DLG2: variants seen among roughly 807,000 people sequenced by gnomAD.
The protein encoded by DLG2 is disks large homolog 2.
DLG2 carries 45 observed loss-of-function variants against 132.5 expected under a neutral mutation model. That is an observed-to-expected ratio of 0.34 (90% CI 0.27 to 0.44). The LOEUF is 0.44. DLG2 is among the 20% of genes least tolerant of loss of function. The pLI is 1.00. For missense variants in DLG2, 1,045 were observed against 1,196.9 expected (o/e 0.87, Z 1.87); for synonymous variants, 424 against 419.6 (o/e 1.01, Z -0.13).
intron 6 of DLG2, among the ~76,000 whole-genome samples, chr11:84,583,081 G>A (rs1657191580): frequency 6.6e-6 from 1 of 152,112 alleles, no homozygotes; most frequent in African/African-American, 2.4e-5. Context: ...TGATGATTTT[G>A]TCATTTTTAT....
chr11:85,396,999 A>C (rs778494069), intron 3 of DLG2, among the ~76,000 whole-genome samples: 14 of 152,174 alleles, frequency 9.2e-5, no homozygotes, highest in Non-Finnish European at 1.9e-4. Flanking sequence ...GGTTGAAATA[A>C]AGGAAAAAAT....
chr11:84,887,837 G>C (rs1434480206), intron 6 of DLG2, among the ~76,000 whole-genome samples: 1 of 152,096 alleles, frequency 6.6e-6, no homozygotes, highest in Non-Finnish European at 1.5e-5. Flanking sequence ...TCCCTGAGCT[G>C]CATAATGGGA....
At chr11:84,411,047 T>C (rs552273480) in intron 7 of DLG2, among the ~76,000 whole-genome samples, 18 of 152,210 alleles carry the variant, frequency 1.2e-4, no homozygotes, top group Admixed American at 2.6e-4. Flanking sequence ...CCCTGCTCCA[T>C]ACATCTAAAC....
intron 5 of DLG2, among the ~76,000 whole-genome samples, chr11:85,114,900 T>C (rs1312296597): frequency 6.6e-6 from 1 of 151,928 alleles, no homozygotes; most frequent in East Asian, 1.9e-4. Flanking sequence ...TGCTTATATA[T>C]ACATTGAGCC....
At chr11:84,225,256 T>C (rs1010489199) in intron 8 of DLG2, among the ~76,000 whole-genome samples, 21 of 152,234 alleles carry the variant, frequency 1.4e-4, no homozygotes, top group Non-Finnish European at 1.3e-4. Flanking sequence ...TTTGAGAGCT[T>C]CTAATATGTT....
chr11:84,073,836 A>C (rs1411188936), intron 10 of DLG2, among the ~76,000 whole-genome samples: 1 of 152,218 alleles, frequency 6.6e-6, no homozygotes, highest in Non-Finnish European at 1.5e-5. Flanking sequence ...CCATGACTAT[A>C]ACAGGTGTGT....
intron 3 of DLG2, among the ~76,000 whole-genome samples, chr11:85,320,946 T>C (rs926667095): frequency 6.6e-6 from 1 of 151,630 alleles, no homozygotes; most frequent in South Asian, 2.1e-4. Flanking sequence ...AGTTTTCGAA[T>C]AGAGAAATTT....
At chr11:83,720,738 C>CTTTTTTTTT (rs10690118) in intron 18 of DLG2, 1 of 124,092 alleles carries the variant, frequency 8.1e-6, no homozygotes. Flanking sequence ...TCAGCCCTCC[C>CTTTTTTTTT]TTTTTTTTTT....
chr11:85,500,313 T>G (rs1479691599), intron 3 of DLG2, among the ~76,000 whole-genome samples: 1 of 137,190 alleles, frequency 7.3e-6, no homozygotes, highest in Non-Finnish European at 1.5e-5. Flanking sequence ...ACACCGCATA[T>G]TCTCACTCAT....
At chr11:84,555,586 C>T (rs1268216930) in intron 6 of DLG2, among the ~76,000 whole-genome samples, 4 of 152,086 alleles carry the variant, frequency 2.6e-5, no homozygotes, top group East Asian at 1.9e-4. Context: ...GTGTATGATT[C>T]CATTTATATG....
In DLG2 at chr11:84,830,096, G is replaced by C. The variant is rs375975210; in HGVS notation, c.357+281565C>G. 5.3e-5 allele frequency among the ~76,000 whole-genome samples: 8 copies of C among 151,612 alleles called. No individual in the cohort carries two copies. In the East Asian group the frequency reaches 1.6e-3, roughly 30 times the overall value. ...AACATTAATTACTACCATGTATTCAGAGCTTTTACATGTTACATATTATGC... is the reference window on the plus strand; with the variant it reads ...AACATTAATTACTACCATGTATTCACAGCTTTTACATGTTACATATTATGC... On this transcript the variant is annotated intron_variant, in intron 6 of 27. Coordinates refer to ENST00000376104, the MANE Select transcript of DLG2 (RefSeq NM_001142699.3).
intron 6 of DLG2, among the ~76,000 whole-genome samples, chr11:84,561,727 G>A (rs2099429105): frequency 6.6e-6 from 1 of 152,114 alleles, no homozygotes; most frequent in Admixed American, 6.6e-5. Flanking sequence ...AATAAGGATA[G>A]CATTTCATTT....
At chr11:85,333,654 T>C (rs138551010) in intron 3 of DLG2, among the ~76,000 whole-genome samples, 23 of 152,340 alleles carry the variant, frequency 1.5e-4, no homozygotes, top group African/African-American at 4.8e-4. Context: ...TTCAATTTTA[T>C]CGAAAGCTTT....
At chr11:85,216,768 C>T (rs2152575514) in intron 4 of DLG2, among the ~76,000 whole-genome samples, 1 of 152,092 alleles carries the variant, frequency 6.6e-6, no homozygotes, top group East Asian at 1.9e-4. Context: ...TGAATCTTGG[C>T]TCACGGCAAC....
Position 85,592,312 on chromosome 11 carries a change from T to C in DLG2, c.40+6345A>G, listed in dbSNP as rs2079411458. Reference sequence around the variant, plus strand: ...ACTCTTTTTATTTAAATAAGTATTGTAAACAAATAAGTAGAAACATAATAG... The same window carrying C: ...ACTCTTTTTATTTAAATAAGTATTGCAAACAAATAAGTAGAAACATAATAG... On this transcript the variant is annotated intron_variant, in intron 3 of 27. Transcript: ENST00000376104. Among the ~76,000 whole-genome samples the C allele has an allele frequency of 2.0e-5, 3 of 152,230 alleles. No homozygotes were observed. The South Asian group carries it at 6.2e-4, about 32-fold the overall frequency.
At chr11:85,448,928 C>G (rs1011465603) in intron 3 of DLG2, among the ~76,000 whole-genome samples, 1 of 152,100 alleles carries the variant, frequency 6.6e-6, no homozygotes, top group East Asian at 1.9e-4. Flanking sequence ...CCTCTCCCTC[C>G]TCCTCTTCCT....
chr11:83,909,957 G>A (rs1030681276), intron 15 of DLG2, among the ~76,000 whole-genome samples: 1 of 152,144 alleles, frequency 6.6e-6, no homozygotes, highest in Non-Finnish European at 1.5e-5. Context: ...GTGATCCACT[G>A]GAGATTCTAA....
chr11:83,519,070 G>A (rs2095395527), intron 21 of DLG2, among the ~76,000 whole-genome samples: 1 of 152,164 alleles, frequency 6.6e-6, no homozygotes, highest in African/African-American at 2.4e-5. Flanking sequence ...GGTGTCTGTA[G>A]TATAACTGAG....
intron 6 of DLG2, among the ~76,000 whole-genome samples, chr11:84,902,904 A>T (rs1169993565): frequency 6.6e-6 from 1 of 152,158 alleles, no homozygotes; most frequent in Non-Finnish European, 1.5e-5. Context: ...AATAGCTCAC[A>T]GTTATTGTCT....
Sources: gnomAD v4.1 joint callset for allele counts (sites outside exome capture counted in the v4.1 genomes callset) on GRCh38, gnomAD v4.1.1 for gene constraint, MANE v1.5 for transcripts, NCBI Gene and HGNC (gene_info 2026-07-23, HGNC 2026-07-21) for gene names.